The following SEMG2 variants were observed in gnomAD, a reference collection of about 807,000 sequenced individuals.
SEMG2 encodes semenogelin 2.
A neutral mutation model predicts 8.1 loss-of-function variants in SEMG2; 3 were observed. The observed-to-expected ratio is 0.37, with a 90% confidence interval of 0.17 to 0.96. SEMG2 has a LOEUF of 0.96. Ranked by LOEUF, SEMG2 falls within the 40% of genes least tolerant of loss-of-function variation. The pLI, the probability that SEMG2 is intolerant of heterozygous loss-of-function variation, is 0.41. For missense variants in SEMG2, 726 were observed against 671.2 expected (o/e 1.08, Z -0.90); for synonymous variants, 252 against 231.4 (o/e 1.09, Z -0.81).
At position 45,222,714 on chromosome 20, in the gene SEMG2, G is replaced by C; in HGVS notation, c.1082G>C (p.Gly361Ala). The C allele has an allele frequency of 6.2e-7, 1 of 1,613,532 alleles. No individual in the cohort carries two copies. Among genetic ancestry groups the C allele is most frequent in the Non-Finnish European group, 8.5e-7 (1 of 1,179,846 alleles). ...SSTEERHLNC[G>A]EKGIQKGVSK... Reference sequence around the variant, plus strand: ...ACAGAAGAAAGACATCTCAACTGTGGAGAAAAGGGCATCCAGAAAGGTGTA... The same window carrying C: ...ACAGAAGAAAGACATCTCAACTGTGCAGAAAAGGGCATCCAGAAAGGTGTA... Residue 361 changes from glycine (G) to alanine (A), a missense_variant, in exon 2 of 3, where the codon GGA becomes GCA. By Grantham distance (60) the Gly-to-Ala change is moderately conservative. Coordinates refer to ENST00000372769, the MANE Select transcript of SEMG2 (RefSeq NM_003008.3).
In SEMG2 at chr20:45,222,548, C is replaced by T; in HGVS notation, c.916C>T (p.Gln306Ter). ...ACTTCACCATGGAGAAAAGAGTGTA[C>T]AGAAAGATGTATCCAAAGGCAGCAT... ...RQLHHGEKSV[Q>*]KDVSKGSISI... Residue 306 changes from glutamine (Q) to a stop codon, truncating the protein, a stop_gained, in exon 2 of 3, where the codon CAG becomes TAG. Transcript: ENST00000372769. LOFTEE classifies it low-confidence loss of function (END_TRUNC). 4 of 1,614,066 alleles carry T rather than the reference C, an allele frequency of 2.5e-6. No individual in the cohort carries two copies. Among genetic ancestry groups the T allele is most frequent in the Non-Finnish European group, 2.5e-6 (3 of 1,179,992 alleles).
In SEMG2 at chr20:45,221,995, T is replaced by G; in HGVS notation, c.363T>G (p.Gly121=). ...GCAGAGACCATGATAAATCAAAAGG[T>G]CATTTTCACATGATAGTTATACATC... The part of the protein sequence containing the change: ...QEGRDHDKSK[G]HFHMIVIHHK... Residue 121 remains glycine (G), a synonymous_variant, in exon 2 of 3, where the codon GGT becomes GGG. Transcript: ENST00000372769. 1 of 1,614,044 alleles carries G rather than the reference T, an allele frequency of 6.2e-7. No homozygotes were observed. Among genetic ancestry groups the G allele is most frequent in the Non-Finnish European group, 8.5e-7 (1 of 1,179,996 alleles).
Position 45,223,440 on chromosome 20 carries a change from C to A in SEMG2, c.*44+15C>A, listed in dbSNP as rs561978863. The A allele has an allele frequency of 8.6e-6, 11 of 1,277,814 alleles. No individual in the cohort carries two copies. The South Asian group carries it at 1.5e-4, about 18-fold the overall frequency. The allele number at this position is 1,277,814 out of a possible 1,614,324, so 79.2% of individuals were successfully genotyped here. A position where few individuals can be genotyped will look rare whatever the true frequency, so the allele number is the denominator to read the frequency against. On this transcript the variant is annotated intron_variant, in intron 2 of 2. Coordinates refer to ENST00000372769, the MANE Select transcript of SEMG2 (RefSeq NM_003008.3). ...CCAATAGCAAGGTAAGTTTGCTTTTCTTACCAAATAGGAGAGGTGCCTGTC... is the reference window on the plus strand; with the variant it reads ...CCAATAGCAAGGTAAGTTTGCTTTTATTACCAAATAGGAGAGGTGCCTGTC...
rs1204947523 is a variant in SEMG2 at position 45,221,620 on chromosome 20, C to A, written c.77-89C>A. 1.2e-5 allele frequency: 17 copies of A among 1,405,534 alleles called. 1 individual carries two copies. Among genetic ancestry groups the A allele is most frequent in the East Asian group, 2.3e-5 (1 of 43,840 alleles). The allele number at this position is 1,405,534 out of a possible 1,614,324, so 87.1% of individuals were successfully genotyped here. ...CAACGCTGTAGGCTTTTGGAAATAT[C>A]AGAAATTTGTTGGGAAAAGGTGGGA... is the stretch of plus-strand genomic sequence containing the variant. On this transcript the variant is annotated intron_variant, in intron 1 of 2. Coordinates refer to ENST00000372769, the MANE Select transcript of SEMG2 (RefSeq NM_003008.3).
In SEMG2 at chr20:45,221,910, C is replaced by G. The variant is rs149777388; in HGVS notation, c.278C>G (p.Ala93Gly). 1 of 1,613,286 alleles carries G rather than the reference C, an allele frequency of 6.2e-7. No individual in the cohort carries two copies. Among genetic ancestry groups the G allele is most frequent in the Non-Finnish European group, 8.5e-7 (1 of 1,179,788 alleles). ...QQYDLNALHK[A>G]TKSKQHLGGS... is the part of the protein sequence containing the mutation. ...TATGATTTGAATGCCCTACATAAGGCGACAAAATCAAAACAACACCTAGGT... is the reference window on the plus strand; with the variant it reads ...TATGATTTGAATGCCCTACATAAGGGGACAAAATCAAAACAACACCTAGGT... The change falls in exon 2 of 3, where the codon GCG becomes GGG. Residue 93 changes from alanine to glycine, a missense_variant. Coordinates refer to ENST00000372769, the MANE Select transcript of SEMG2 (RefSeq NM_003008.3).
In SEMG2 at chr20:45,222,130, A is replaced by G. The variant is rs771472576; in HGVS notation, c.498A>G (p.Leu166=). ...SSQCSNTEKR[L]WVHGLSKEQA... ...AATGTTCAAACACAGAAAAAAGGCT[A>G]TGGGTTCATGGACTAAGTAAAGAAC... is the stretch of plus-strand genomic sequence containing the variant. Residue 166 remains leucine (L), a synonymous_variant, in exon 2 of 3, where the codon CTA becomes CTG. Coordinates refer to ENST00000372769, the MANE Select transcript of SEMG2 (RefSeq NM_003008.3). 7.4e-6 allele frequency: 12 copies of G among 1,613,984 alleles called. No individual in the cohort carries two copies. Among genetic ancestry groups the G allele is most frequent in the Admixed American group, 1.7e-5 (1 of 59,968 alleles).
In SEMG2 at chr20:45,223,333, T is replaced by C. The variant is rs1044733005; in HGVS notation, c.1701T>C (p.Asp567=). 12 of 1,613,914 alleles carry C rather than the reference T, an allele frequency of 7.4e-6. 1 individual carries two copies. The Middle Eastern group carries it at 9.9e-4, about 133-fold the overall frequency. Residue 567 remains aspartate (D), a synonymous_variant, in exon 2 of 3, where the codon GAT becomes GAC. Coordinates refer to ENST00000372769, the MANE Select transcript of SEMG2 (RefSeq NM_003008.3). ...CTGAGCATGAGGTTGCCCAAGATGA[T>C]CATTTGACACAACAATATAATGAAG... is the stretch of plus-strand genomic sequence containing the variant. ...VITEHEVAQD[D]HLTQQYNEDR...
chr20:45,221,764 G>T lies in SEMG2; in HGVS notation c.132G>T (p.Lys44Asn), dbSNP rs764615350. 3 of 1,612,334 alleles carry T rather than the reference G, an allele frequency of 1.9e-6. No homozygotes were observed. Among genetic ancestry groups the T allele is most frequent in the Non-Finnish European group, 2.5e-6 (3 of 1,179,562 alleles). ...SGSSQFPHGQKGQHYFGQKDQ... is the reference protein window; with the variant it reads ...SGSSQFPHGQNGQHYFGQKDQ... ...CTTCCCAATTTCCACATGGACAAAA[G>T]GGCCAGCACTATTTTGGACAAAAAG... Residue 44 changes from lysine (K) to asparagine (N), a missense_variant, in exon 2 of 3, where the codon AAG becomes AAT. Lys to Asn is a moderately conservative substitution (Grantham distance 94). Transcript: ENST00000372769.
At position 45,221,602 on chromosome 20, in the gene SEMG2, G is replaced by T; in HGVS notation, c.77-107G>T. ...AATTGATTTTTCTCCACCCAACGCT[G>T]TAGGCTTTTGGAAATATCAGAAATT... On this transcript the variant is annotated intron_variant, in intron 1 of 2. Transcript: ENST00000372769. The T allele has an allele frequency of 1.4e-6, 2 of 1,391,812 alleles. 1 individual carries two copies. The highest frequency in any genetic ancestry group is 2.7e-5 in the South Asian group (2 of 74,194). The allele number at this position is 1,391,812 out of a possible 1,614,324, so 86.2% of individuals were successfully genotyped here.
chr20:45,223,986 A>G (rs1171444231), intron 2 of SEMG2, among the ~76,000 whole-genome samples: 2 of 152,212 alleles, frequency 1.3e-5, no homozygotes, highest in African/African-American at 2.4e-5. Flanking sequence ...GGAAGTGGAA[A>G]TGGAGGTGCA....
chr20:45,222,115 C>T lies in SEMG2; in HGVS notation c.483C>T (p.Asn161=). The T allele has an allele frequency of 6.2e-7, 1 of 1,613,278 alleles. No homozygotes were observed. Among genetic ancestry groups the T allele is most frequent in the Non-Finnish European group, 8.5e-7 (1 of 1,179,790 alleles). The change falls in exon 2 of 3, where the codon AAC becomes AAT. Residue 161 remains asparagine (N), a synonymous_variant. Transcript: ENST00000372769. ...AGGGATTATCCAGTCAATGTTCAAACACAGAAAAAAGGCTATGGGTTCATG... is the reference window on the plus strand; with the variant it reads ...AGGGATTATCCAGTCAATGTTCAAATACAGAAAAAAGGCTATGGGTTCATG... ...SGKGLSSQCS[N]TEKRLWVHGL...
Position 45,222,063 on chromosome 20 carries a change from A to G in SEMG2, c.431A>G (p.Gln144Arg). Reference sequence around the variant, plus strand: ...CATCATGGGACACAAAATCCTTCTCAAGATCAGGGGAATAGCCCATCTGGA... The same window carrying G: ...CATCATGGGACACAAAATCCTTCTCGAGATCAGGGGAATAGCCCATCTGGA... ...QAHHGTQNPS[Q>R]DQGNSPSGKG... The change falls in exon 2 of 3, where the codon CAA becomes CGA. Residue 144 changes from glutamine (Q) to arginine (R), a missense_variant. By Grantham distance (43) the Gln-to-Arg change is conservative. Coordinates refer to ENST00000372769, the MANE Select transcript of SEMG2 (RefSeq NM_003008.3). 3 of 1,614,102 alleles carry G rather than the reference A, an allele frequency of 1.9e-6. No individual in the cohort carries two copies. The highest frequency in any genetic ancestry group is 2.5e-6 in the Non-Finnish European group (3 of 1,179,988).
rs62639322 is a variant in SEMG2 at position 45,223,024 on chromosome 20, T to A, written c.1392T>A (p.Asn464Lys). 1 of 1,613,844 alleles carries A rather than the reference T, an allele frequency of 6.2e-7. No homozygotes were observed. Among genetic ancestry groups the A allele is most frequent in the Non-Finnish European group, 8.5e-7 (1 of 1,179,962 alleles). ...SQDQEHGHKE[N>K]KMSYQSSSTE... ...ATCAAGAGCATGGCCATAAGGAAAA[T>A]AAAATGTCATACCAATCTTCAAGTA... Residue 464 changes from asparagine (N) to lysine (K), a missense_variant, in exon 2 of 3, where the codon AAT becomes AAA. Coordinates refer to ENST00000372769, the MANE Select transcript of SEMG2 (RefSeq NM_003008.3).
In SEMG2 at chr20:45,222,104, C is replaced by G. The variant is rs1263710162; in HGVS notation, c.472C>G (p.Gln158Glu). ...NSPSGKGLSS[Q>E]CSNTEKRLWV... is the part of the protein sequence containing the mutation. ...CCCATCTGGAAAGGGATTATCCAGT[C>G]AATGTTCAAACACAGAAAAAAGGCT... The change falls in exon 2 of 3, where the codon CAA becomes GAA. Residue 158 changes from glutamine (Q) to glutamate (E), a missense_variant. Transcript: ENST00000372769. 6 of 1,613,602 alleles carry G rather than the reference C, an allele frequency of 3.7e-6. No homozygotes were observed. Among genetic ancestry groups the G allele is most frequent in the Non-Finnish European group, 4.2e-6 (5 of 1,179,926 alleles).
Position 45,221,728 on chromosome 20 carries a change from GCC to G in SEMG2, c.97_98del (p.Pro33LysfsTer25), listed in dbSNP as rs1215554318. ...TACCAGGTGGATCAAAAGGCCAATT[GCC>G]AAGCGGATCTTCCCAATTTCCACAT... is the stretch of plus-strand genomic sequence containing the variant. ...GQKGGSKGQL[P>X]SGSSQFPHGQ... On this transcript the variant is annotated frameshift_variant, in exon 2 of 3. Coordinates refer to ENST00000372769, the MANE Select transcript of SEMG2 (RefSeq NM_003008.3). LOFTEE classifies it high-confidence loss of function. 1 of 1,609,228 alleles carries G rather than the reference GCC, an allele frequency of 6.2e-7. No homozygotes were observed. Among genetic ancestry groups the G allele is most frequent in the Admixed American group, 1.7e-5 (1 of 59,064 alleles).
Position 45,222,104 on chromosome 20 carries a change from C to T in SEMG2, c.472C>T (p.Gln158Ter). The change falls in exon 2 of 3, where the codon CAA (glutamine) becomes TAA (stop). Residue 158 changes from glutamine (Q) to a stop codon, truncating the protein, a stop_gained. Transcript: ENST00000372769. LOFTEE classifies it low-confidence loss of function (END_TRUNC). ...CCCATCTGGAAAGGGATTATCCAGTCAATGTTCAAACACAGAAAAAAGGCT... is the reference window on the plus strand; with the variant it reads ...CCCATCTGGAAAGGGATTATCCAGTTAATGTTCAAACACAGAAAAAAGGCT... ...NSPSGKGLSS[Q>*]CSNTEKRLWV... 6.2e-7 allele frequency: 1 copy of T among 1,613,720 alleles called. No homozygotes were observed. Among genetic ancestry groups the T allele is most frequent in the Non-Finnish European group, 8.5e-7 (1 of 1,179,918 alleles).
In SEMG2 at chr20:45,222,258, A is replaced by C; in HGVS notation, c.626A>C (p.Glu209Ala). The change falls in exon 2 of 3, where the codon GAG becomes GCG. Residue 209 changes from glutamate (E) to alanine (A), a missense_variant. Coordinates refer to ENST00000372769, the MANE Select transcript of SEMG2 (RefSeq NM_003008.3). ...EELVVNKQQR[E>A]TKNSHQNKGH... ...CTAGTAGTTAACAAACAACAACGTG[A>C]GACTAAAAATTCTCATCAAAATAAA... 6.2e-7 allele frequency: 1 copy of C among 1,614,146 alleles called. No individual in the cohort carries two copies. The highest frequency in any genetic ancestry group is 8.5e-7 in the Non-Finnish European group (1 of 1,180,024).
chr20:45,221,918 T>A lies in SEMG2; in HGVS notation c.286T>A (p.Ser96Thr), dbSNP rs1233335312. The A allele has an allele frequency of 6.2e-7, 1 of 1,613,040 alleles. No homozygotes were observed. Among genetic ancestry groups the A allele is most frequent in the Admixed American group, 1.7e-5 (1 of 59,842 alleles). ...DLNALHKATK[S>T]KQHLGGSQQL... The stretch of plus-strand genomic sequence containing the variant: ...GAATGCCCTACATAAGGCGACAAAA[T>A]CAAAACAACACCTAGGTGGAAGTCA... Residue 96 changes from serine (S) to threonine (T), a missense_variant, in exon 2 of 3, where the codon TCA (serine) becomes ACA (threonine). Ser to Thr is a moderately conservative substitution (Grantham distance 58). Transcript: ENST00000372769.
Position 45,222,045 on chromosome 20 carries a change from G to C in SEMG2, c.413G>C (p.Gly138Ala), listed in dbSNP as rs763870015. ...CATAAAGGAGGCCAAGCTCATCATG[G>C]GACACAAAATCCTTCTCAAGATCAG... ...IHHKGGQAHH[G>A]TQNPSQDQGN... The change falls in exon 2 of 3, where the codon GGG (glycine) becomes GCG (alanine). Residue 138 changes from glycine to alanine, a missense_variant. Coordinates refer to ENST00000372769, the MANE Select transcript of SEMG2 (RefSeq NM_003008.3). The C allele has an allele frequency of 1.2e-6, 2 of 1,614,048 alleles. No homozygotes were observed. Among genetic ancestry groups the C allele is most frequent in the Non-Finnish European group, 1.7e-6 (2 of 1,179,992 alleles).
Sources: gnomAD v4.1 joint callset for allele counts (sites outside exome capture counted in the v4.1 genomes callset) on GRCh38, gnomAD v4.1.1 for gene constraint, MANE v1.5 for transcripts, NCBI Gene and HGNC (gene_info 2026-07-23, HGNC 2026-07-21) for gene names.